The following ANO4 variants were observed in gnomAD, a reference collection of about 807,000 sequenced individuals.
ANO4 encodes the protein anoctamin 4, also known as anoctamin-4.
In ANO4, 69 loss-of-function variants were observed where a neutral mutation model predicts 141.9. The ratio of observed to expected loss-of-function variants is 0.49; its 90% CI spans 0.40 to 0.59. The LOEUF is 0.59. Ranked by LOEUF, ANO4 falls within the 20% of genes least tolerant of loss-of-function variation. The pLI is 0.00. For synonymous variants in ANO4, 350 were observed against 394.3 expected, an observed-to-expected ratio of 0.89 and a Z score of 1.33; for missense variants, 894 against 1,162.2, an observed-to-expected ratio of 0.77 and a Z score of 3.36.
At chr12:101,069,439 TC>T (rs1267746219) in intron 14 of ANO4, among the ~76,000 whole-genome samples, 2 of 152,244 alleles carry the variant, frequency 1.3e-5, no homozygotes, top group African/African-American at 2.4e-5. Flanking sequence ...AACTAATTTT[TC>T]CTTGTGCATT....
At chr12:100,742,100 T>A (rs976503340) in intron 3 of ANO4, among the ~76,000 whole-genome samples, 9 of 152,182 alleles carry the variant, frequency 5.9e-5, no homozygotes, top group African/African-American at 2.2e-4. Flanking sequence ...AATATTGATT[T>A]GTTCCAAGCA....
chr12:100,730,089 A>G (rs976343125), intron 1 of ANO4, among the ~76,000 whole-genome samples: 5 of 152,100 alleles, frequency 3.3e-5, no homozygotes, highest in East Asian at 1.9e-4. Flanking sequence ...GACCTGTCCT[A>G]TGAAAGTCTT....
intron 1 of ANO4, among the ~76,000 whole-genome samples, chr12:100,888,224 A>G (rs1440648859): frequency 6.6e-6 from 1 of 152,226 alleles, no homozygotes; most frequent in Non-Finnish European, 1.5e-5. Flanking sequence ...TAGGATGTAG[A>G]AACATTAAGT....
At chr12:100,896,431 T>C (rs2040359430) in intron 1 of ANO4, among the ~76,000 whole-genome samples, 1 of 151,532 alleles carries the variant, frequency 6.6e-6, no homozygotes, top group African/African-American at 2.4e-5. Context: ...AGGCAAGGAA[T>C]GGATTCTCCC....
chr12:100,947,739 A>T (rs1460718031), intron 5 of ANO4, among the ~76,000 whole-genome samples: 1 of 152,156 alleles, frequency 6.6e-6, no homozygotes, highest in South Asian at 2.1e-4. Context: ...TTACTATTAT[A>T]ATTTCCATTT....
intron 1 of ANO4, among the ~76,000 whole-genome samples, chr12:100,865,479 C>T (rs995870228): frequency 3.9e-5 from 6 of 151,984 alleles, no homozygotes; most frequent in Admixed American, 3.9e-4. Context: ...AAAACAACCC[C>T]ATCAAAAAGT....
At chr12:101,057,367 C>T (rs138650071) in intron 14 of ANO4, among the ~76,000 whole-genome samples, 1,596 of 152,244 alleles carry the variant, frequency 0.01, 17 homozygotes, top group Non-Finnish European at 0.017. Context: ...TGGGTGTATA[C>T]TCAGTAATGG....
At chr12:100,825,691 T>A (rs750143703) in intron 1 of ANO4, among the ~76,000 whole-genome samples, 26 of 151,992 alleles carry the variant, frequency 1.7e-4, no homozygotes, top group Non-Finnish European at 3.5e-4. Context: ...GGTGTGAAAA[T>A]TTGGAACACT....
At chr12:100,787,018 A>G (rs1001861193) in intron 3 of ANO4, among the ~76,000 whole-genome samples, 1 of 152,192 alleles carries the variant, frequency 6.6e-6, no homozygotes, top group African/African-American at 2.4e-5. Flanking sequence ...ATAGTCTAGT[A>G]AGAGAGCCAG....
intron 1 of ANO4, among the ~76,000 whole-genome samples, chr12:100,814,459 ACAAGAGGGGCAGGGC>A (rs148475994): frequency 0.028 from 4,209 of 152,232 alleles, 187 homozygotes; most frequent in Admixed American, 0.12. Context: ...ATGGAGGAAA[ACAAGAGGGGCAGGGC>A]CAGAATTTTA....
rs748666892 is a variant in ANO4, at chr12:100,988,872, G to GAA, written c.734+1217_734+1218dup. 5.1e-3 allele frequency among the ~76,000 whole-genome samples: 332 copies of GAA among 65,000 alleles called. 39 individuals carry two copies. Among genetic ancestry groups the GAA allele is most frequent in the Middle Eastern group, 0.029 (3 of 104 alleles). The allele number at this position is 65,000 out of a possible 152,430, so 42.6% of individuals were successfully genotyped here. A position where few individuals can be genotyped will look rare whatever the true frequency, so the allele number is the denominator to read the frequency against. ...GGTGACAGAGTGAGACTCTGTCTCA[G>GAA]AAAAAAAAAAAAAAAAGAAAGAAAA... On this transcript the variant is annotated intron_variant, in intron 8 of 27. Coordinates refer to ENST00000392977, the MANE Select transcript of ANO4 (RefSeq NM_001286615.2).
At chr12:101,108,321 G>C (rs1300489927) in intron 22 of ANO4, among the ~76,000 whole-genome samples, 1 of 152,112 alleles carries the variant, frequency 6.6e-6, no homozygotes, top group Admixed American at 6.5e-5. Context: ...CAAAGACAGG[G>C]GACACCTGGA....
intron 1 of ANO4, among the ~76,000 whole-genome samples, chr12:100,805,043 G>T (rs780332164): frequency 2.0e-5 from 3 of 152,110 alleles, no homozygotes; most frequent in Non-Finnish European, 4.4e-5. Context: ...TGTCCTGAAT[G>T]GTATTGCCTA....
intron 25 of ANO4, among the ~76,000 whole-genome samples, chr12:101,119,363 A>T (rs981724390): frequency 6.6e-6 from 1 of 152,106 alleles, no homozygotes; most frequent in African/African-American, 2.4e-5. Flanking sequence ...GGGAGGTAGG[A>T]GTATCACTTG....
chr12:101,019,927 A>G (rs2046455825), intron 8 of ANO4, 107 bp from the exon 9 acceptor site: 11 of 829,772 alleles, frequency 1.3e-5, no homozygotes, highest in Admixed American at 2.1e-5. Flanking sequence ...CACCCTGTCT[A>G]TGACTGACTG....
chr12:100,901,008 AG>A (rs2040569191), intron 1 of ANO4, among the ~76,000 whole-genome samples: 2 of 152,340 alleles, frequency 1.3e-5, no homozygotes, highest in South Asian at 4.1e-4. Flanking sequence ...TAATCTATAT[AG>A]GCTGATGTAA....
chr12:100,846,424 A>G (rs911245040), intron 1 of ANO4, among the ~76,000 whole-genome samples: 7 of 152,248 alleles, frequency 4.6e-5, no homozygotes, highest in African/African-American at 1.7e-4. Flanking sequence ...AATATCACTC[A>G]ATAATTTGAT....
At chr12:100,814,961 C>T (rs377408577) in intron 1 of ANO4, among the ~76,000 whole-genome samples, 105 of 151,956 alleles carry the variant, frequency 6.9e-4, no homozygotes, top group Non-Finnish European at 1.3e-3. Flanking sequence ...GTTGGTGGGA[C>T]GAAGATGTGT....
At chr12:101,092,486 C>T (rs2136930348) in intron 17 of ANO4, among the ~76,000 whole-genome samples, 1 of 152,290 alleles carries the variant, frequency 6.6e-6, no homozygotes, top group Non-Finnish European at 1.5e-5. Flanking sequence ...AGAAATCAGA[C>T]ATTTTTCCAG....
Sources: allele counts gnomAD v4.1 joint callset (sites outside exome capture counted in the v4.1 genomes callset), GRCh38; gene constraint gnomAD v4.1.1; transcripts MANE v1.5; gene names NCBI Gene and HGNC (gene_info 2026-07-23, HGNC 2026-07-21).